The following FAM53B variants were observed in gnomAD, a reference collection of about 807,000 sequenced individuals.
FAM53B encodes the protein protein FAM53B.
In FAM53B, 12 loss-of-function variants were observed where a neutral mutation model predicts 32.7. The observed-to-expected ratio is 0.37, with a 90% confidence interval of 0.24 to 0.59. The LOEUF (loss-of-function observed/expected upper bound fraction) is 0.59. FAM53B is among the 20% of genes least tolerant of loss of function. The pLI is 0.72. For synonymous variants in FAM53B, 234 were observed against 228.7 expected, an observed-to-expected ratio of 1.02 and a Z score of -0.21; for missense variants, 477 against 577.7, an observed-to-expected ratio of 0.83 and a Z score of 1.79.
intron 4 of FAM53B, among the ~76,000 whole-genome samples, chr10:124,657,131 TGTATATAC>T (rs1361045950): frequency 1.4e-5 from 2 of 145,380 alleles, no homozygotes; most frequent in Non-Finnish European, 3.0e-5. Context: ...TATATATGTG[TGTATATAC>T]ATATATATGT....
At chr10:124,625,429 G>A (rs1024270027) in intron 4 of FAM53B, among the ~76,000 whole-genome samples, 5 of 152,172 alleles carry the variant, frequency 3.3e-5, no homozygotes, top group African/African-American at 4.8e-5. Flanking sequence ...CACCCTCTGG[G>A]CCATGGTGGG....
In FAM53B at chr10:124,744,247, A is replaced by T. The variant is rs1234657326; in HGVS notation, c.-409T>A. 6.8e-6 allele frequency: 1 copy of T among 147,062 alleles called. No homozygotes were observed. The highest frequency in any genetic ancestry group is 1.5e-5 in the Non-Finnish European group (1 of 66,072). 9.1% of individuals were successfully genotyped at this position (147,062 alleles called of 1,614,324 possible). ...CCGCCCGCACCCGCCGCCGCCGCGG[A>T]GCCGCCAGACCGCGGCTGCGTGAAC... is the stretch of plus-strand genomic sequence containing the variant. On this transcript the variant is annotated 5_prime_UTR_variant, in exon 1 of 5. Coordinates refer to ENST00000337318, the MANE Select transcript of FAM53B (RefSeq NM_014661.4).
At chr10:124,674,171 G>C (rs1033954532) in intron 4 of FAM53B, among the ~76,000 whole-genome samples, 1 of 152,208 alleles carries the variant, frequency 6.6e-6, no homozygotes, top group Non-Finnish European at 1.5e-5. Flanking sequence ...GCGCCCTCAG[G>C]TGAGGCCTTC....
At chr10:124,657,066 A>G (rs1589740207) in intron 4 of FAM53B, among the ~76,000 whole-genome samples, 7 of 142,818 alleles carry the variant, frequency 4.9e-5, no homozygotes, top group South Asian at 2.3e-4. Context: ...ATATGTATAT[A>G]TATATGTATA....
intron 2 of FAM53B, chr10:124,704,370 C>G (rs1196854441): frequency 6.6e-6 from 1 of 152,256 alleles, no homozygotes; most frequent in Non-Finnish European, 1.5e-5. Context: ...AGCTCCCATT[C>G]TAGTATAAGG....
chr10:124,636,648 G>A (rs1200734690), intron 4 of FAM53B, among the ~76,000 whole-genome samples: 3 of 146,488 alleles, frequency 2.0e-5, no homozygotes, highest in African/African-American at 7.4e-5. Flanking sequence ...TGTCCACAGA[G>A]GCCCACGTTG....
chr10:124,705,248 C>T (rs1245259575), intron 2 of FAM53B, among the ~76,000 whole-genome samples: 1 of 152,180 alleles, frequency 6.6e-6, no homozygotes, highest in African/African-American at 2.4e-5. Flanking sequence ...GTCCAGACAC[C>T]AGGCAACAGG....
chr10:124,634,723 C>A (rs1949416128), intron 4 of FAM53B, among the ~76,000 whole-genome samples: 1 of 152,176 alleles, frequency 6.6e-6, no homozygotes, highest in African/African-American at 2.4e-5. Context: ...ACTAATACAC[C>A]CATGGAGACA....
At chr10:124,741,132 T>C (rs1157271036) in intron 1 of FAM53B, among the ~76,000 whole-genome samples, 1 of 152,234 alleles carries the variant, frequency 6.6e-6, no homozygotes, top group Non-Finnish European at 1.5e-5. Flanking sequence ...CCTCCACATC[T>C]GGTTTCCATC....
intron 1 of FAM53B, among the ~76,000 whole-genome samples, chr10:124,732,620 A>T (rs1950151333): frequency 6.6e-6 from 1 of 152,188 alleles, no homozygotes; most frequent in Admixed American, 6.5e-5. Context: ...GCACTTTGGG[A>T]GGCCCAGGCG....
At chr10:124,652,308 G>A (rs1483420597) in intron 4 of FAM53B, among the ~76,000 whole-genome samples, 4 of 152,170 alleles carry the variant, frequency 2.6e-5, no homozygotes, top group Admixed American at 1.3e-4. Context: ...ACATCCAGCC[G>A]TGCCCAGGGG....
rs535376429 is a variant in FAM53B, at chr10:124,657,349, T to G, written c.906+24258A>C. ...GCAACAAATTCGTATTTCTTGTCAT[T>G]GTTCCACACATTGGTAAATGATGAT... On this transcript the variant is annotated intron_variant, in intron 4 of 4. Coordinates refer to ENST00000337318, the MANE Select transcript of FAM53B (RefSeq NM_014661.4). Among the ~76,000 whole-genome samples, 48 of 152,260 alleles carry G rather than the reference T, an allele frequency of 3.2e-4. No homozygotes were observed. In the South Asian group the frequency reaches 9.9e-3, roughly 32 times the overall value.
chr10:124,670,019 G>A (rs553516621), intron 4 of FAM53B, among the ~76,000 whole-genome samples: 3 of 152,114 alleles, frequency 2.0e-5, no homozygotes, highest in Non-Finnish European at 2.9e-5. Flanking sequence ...ACACCGGCCC[G>A]TGGATTAGGA....
rs149181754 is a variant in FAM53B at position 124,674,583 on chromosome 10, C to T, written c.906+7024G>A. 5.3e-5 allele frequency among the ~76,000 whole-genome samples: 8 copies of T among 152,346 alleles called. No individual in the cohort carries two copies. In the East Asian group the frequency reaches 1.5e-3, roughly 29 times the overall value. On this transcript the variant is annotated intron_variant, in intron 4 of 4. Transcript: ENST00000337318. ...CCCTCTGTCTCCTCGTCTCAGCCCA[C>T]GCTCCCTGCTTCTCCTTCAGAAGCC...
At chr10:124,691,521 T>C (rs945930121) in intron 3 of FAM53B, among the ~76,000 whole-genome samples, 2 of 152,240 alleles carry the variant, frequency 1.3e-5, no homozygotes, top group East Asian at 1.9e-4. Context: ...GTTCTGTCCA[T>C]TGACTTGTAT....
At chr10:124,656,897 G>A (rs1279883063) in intron 4 of FAM53B, among the ~76,000 whole-genome samples, 1 of 151,900 alleles carries the variant, frequency 6.6e-6, no homozygotes, top group African/African-American at 2.4e-5. Context: ...TGTGGGGTGG[G>A]GGGAGAGGGG....
Position 124,623,112 on chromosome 10 carries a change from G to A in FAM53B, c.*130C>T. Reference sequence around the variant, plus strand: ...CAGGCAGCAGGTGGGCTCCCTCTCTGGGACCCGACACCACTCAGGAAGCTT... The same window carrying A: ...CAGGCAGCAGGTGGGCTCCCTCTCTAGGACCCGACACCACTCAGGAAGCTT... On this transcript the variant is annotated 3_prime_UTR_variant, in exon 5 of 5. Transcript: ENST00000337318. 7.9e-7 allele frequency: 1 copy of A among 1,264,812 alleles called. No individual in the cohort carries two copies. The highest frequency in any genetic ancestry group is 1.1e-6 in the Non-Finnish European group (1 of 924,452). 78.3% of individuals were successfully genotyped at this position (1,264,812 alleles called of 1,614,324 possible).
intron 3 of FAM53B, among the ~76,000 whole-genome samples, chr10:124,692,714 CAAAAA>C (rs5788679): frequency 7.2e-5 from 5 of 69,058 alleles, no homozygotes; most frequent in East Asian, 5.0e-4. Context: ...TACTCCATCT[CAAAAA>C]AAAAAAAAAA....
intron 2 of FAM53B, among the ~76,000 whole-genome samples, chr10:124,698,983 T>A (rs1949894283): frequency 6.6e-6 from 1 of 152,160 alleles, no homozygotes; most frequent in South Asian, 2.1e-4. Flanking sequence ...GCCAGGCCAG[T>A]CACTACCATC....
Sources: gnomAD v4.1 joint callset for allele counts (sites outside exome capture counted in the v4.1 genomes callset) on GRCh38, gnomAD v4.1.1 for gene constraint, MANE v1.5 for transcripts, NCBI Gene and HGNC (gene_info 2026-07-23, HGNC 2026-07-21) for gene names.